Variants in RIMS1 observed in about 807,000 individuals in gnomAD.
RIMS1 encodes the protein regulating synaptic membrane exocytosis 1.
In RIMS1, 83 loss-of-function variants were observed where a neutral mutation model predicts 214.1. The observed-to-expected ratio is 0.39, with a 90% CI of 0.32 to 0.47. The LOEUF (loss-of-function observed/expected upper bound fraction) is 0.47, where lower values mean the gene tolerates loss of function less well. Among genes scored for constraint, RIMS1 ranks in the 20% least tolerant of loss-of-function variants. The pLI, the probability that RIMS1 is intolerant of heterozygous loss-of-function variation, is 0.99. For synonymous variants in RIMS1, 793 were observed against 786.8 expected, an observed-to-expected ratio of 1.01 and a Z score of -0.13; for missense variants, 2,050 against 2,161.8, an observed-to-expected ratio of 0.95 and a Z score of 1.03.
intron 4 of RIMS1, among the ~76,000 whole-genome samples, chr6:72,139,776 TAA>T (rs2153878478): frequency 1.3e-5 from 2 of 152,308 alleles, no homozygotes; most frequent in African/African-American, 4.8e-5. Flanking sequence ...GTTGTTTTAT[TAA>T]GTTATTTAAA....
intron 26 of RIMS1, among the ~76,000 whole-genome samples, chr6:72,301,785 T>A (rs1422353613): frequency 6.6e-6 from 1 of 151,592 alleles, no homozygotes; most frequent in Non-Finnish European, 1.5e-5. Flanking sequence ...AACTTGAGCA[T>A]CCGTGAATTT....
chr6:71,965,073 T>C (rs1388550426), intron 1 of RIMS1, among the ~76,000 whole-genome samples: 1 of 152,158 alleles, frequency 6.6e-6, no homozygotes, highest in African/African-American at 2.4e-5. Context: ...CAATAACACT[T>C]GGGAAGTAGA....
At chr6:71,937,057 T>G (rs1784662557) in intron 1 of RIMS1, among the ~76,000 whole-genome samples, 1 of 152,238 alleles carries the variant, frequency 6.6e-6, no homozygotes, top group Non-Finnish European at 1.5e-5. Flanking sequence ...GTGCTTTCCT[T>G]TTAGCCAGTG....
chr6:72,212,787 A>G (rs1158595607), intron 6 of RIMS1: 2 of 1,017,938 alleles, frequency 2.0e-6, no homozygotes, highest in Non-Finnish European at 2.4e-6. Context: ...AAAACCCAAC[A>G]GAGATGCCAA....
intron 6 of RIMS1, among the ~76,000 whole-genome samples, chr6:72,183,703 A>AT (rs575708393): frequency 1.9e-3 from 277 of 149,328 alleles, no homozygotes; most frequent in Middle Eastern, 6.9e-3. Context: ...AATATACTGG[A>AT]TTTTTTTTTT....
intron 26 of RIMS1, among the ~76,000 whole-genome samples, chr6:72,294,719 A>T (rs2093872047): frequency 6.6e-6 from 1 of 151,842 alleles, no homozygotes; most frequent in African/African-American, 2.4e-5. Flanking sequence ...AAAGGCTAAC[A>T]TATCATTTGG....
At chr6:72,168,898 T>C (rs560566896) in intron 4 of RIMS1, among the ~76,000 whole-genome samples, 57 of 152,072 alleles carry the variant, frequency 3.7e-4, no homozygotes, top group Non-Finnish European at 7.4e-4. Context: ...CTGTCTACTG[T>C]AACAAGGGTA....
At chr6:72,075,489 CAT>C (rs1160432532) in intron 2 of RIMS1, among the ~76,000 whole-genome samples, 1 of 152,098 alleles carries the variant, frequency 6.6e-6, no homozygotes, top group African/African-American at 2.4e-5. Context: ...TTTTAAGAAA[CAT>C]GTAATAATCA....
At chr6:72,290,417 G>C (rs564775626) in intron 24 of RIMS1, among the ~76,000 whole-genome samples, 40 of 152,258 alleles carry the variant, frequency 2.6e-4, no homozygotes, top group African/African-American at 9.1e-4. Context: ...ACAGACAGGA[G>C]TCTCTGCTGT....
intron 29 of RIMS1, among the ~76,000 whole-genome samples, chr6:72,356,062 T>C (rs1259506915): frequency 6.6e-6 from 1 of 152,178 alleles, no homozygotes; most frequent in Non-Finnish European, 1.5e-5. Flanking sequence ...ATATTAAGCT[T>C]TCCTGTGATA....
At chr6:72,373,876 T>G (rs867040701) in intron 29 of RIMS1, among the ~76,000 whole-genome samples, 1 of 152,110 alleles carries the variant, frequency 6.6e-6, no homozygotes, top group South Asian at 2.1e-4. Context: ...AAAAGATGAG[T>G]AGTGAGATGA....
intron 1 of RIMS1, among the ~76,000 whole-genome samples, chr6:71,918,754 G>C (rs1779148859): frequency 6.6e-6 from 1 of 152,140 alleles, no homozygotes; most frequent in Non-Finnish European, 1.5e-5. Context: ...GAGCAGAAAA[G>C]AGGAAGAAAA....
chr6:72,060,726 T>C (rs1015759713), intron 2 of RIMS1, among the ~76,000 whole-genome samples: 39 of 152,238 alleles, frequency 2.6e-4, no homozygotes, highest in African/African-American at 8.9e-4. Flanking sequence ...GCGAAGATGG[T>C]AGTAGTTCTT....
At chr6:72,234,054 T>A (rs1010656082) in intron 7 of RIMS1, among the ~76,000 whole-genome samples, 1 of 152,120 alleles carries the variant, frequency 6.6e-6, no homozygotes, top group South Asian at 2.1e-4. Context: ...ATAATTACTA[T>A]AAGTAAGATT....
rs369668311 is a variant in RIMS1, at chr6:72,392,794, T to C, written c.4602T>C (p.Leu1534=). The C allele has an allele frequency of 2.5e-5, 41 of 1,611,160 alleles. No individual in the cohort carries two copies. Among genetic ancestry groups the C allele is most frequent in the Non-Finnish European group, 3.3e-5 (39 of 1,178,344 alleles). The change falls in exon 31 of 34, where the codon CTT becomes CTC. Residue 1534 remains leucine, a synonymous_variant. Transcript: ENST00000521978. ...CCCAGCTTGTTGGCCGCCAAACCCT[T>C]GCCACCCCTGCAATGGGTAAGAATC... ...GPAQLVGRQT[L]ATPAMGDIQI... is the part of the protein sequence containing the mutation.
At chr6:71,978,058 A>G (rs1797595876) in intron 2 of RIMS1, among the ~76,000 whole-genome samples, 1 of 152,192 alleles carries the variant, frequency 6.6e-6, no homozygotes, top group Non-Finnish European at 1.5e-5. Context: ...ATTTGGCCAC[A>G]TGCCAAAAGT....
chr6:72,309,048 C>A (rs1177426416), intron 27 of RIMS1, among the ~76,000 whole-genome samples: 2 of 152,002 alleles, frequency 1.3e-5, no homozygotes, highest in Non-Finnish European at 2.9e-5. Context: ...TTATCAGTTT[C>A]TTAGCTTTAT....
At chr6:72,299,827 T>C (rs1195114521) in intron 26 of RIMS1, among the ~76,000 whole-genome samples, 1 of 151,910 alleles carries the variant, frequency 6.6e-6, no homozygotes, top group Non-Finnish European at 1.5e-5. Context: ...CCAATTTTTG[T>C]GTTTTTCAGA....
chr6:71,921,944 T>C (rs1582689140), intron 1 of RIMS1, among the ~76,000 whole-genome samples: 2 of 152,160 alleles, frequency 1.3e-5, no homozygotes, highest in African/African-American at 4.8e-5. Flanking sequence ...GTGGATATTG[T>C]AAATTTTTGT....
Sources: allele counts gnomAD v4.1 joint callset (sites outside exome capture counted in the v4.1 genomes callset), GRCh38; gene constraint gnomAD v4.1.1; transcripts MANE v1.5; gene names NCBI Gene and HGNC (gene_info 2026-07-23, HGNC 2026-07-21).